ZDHHC20: variants seen among roughly 807,000 people sequenced by gnomAD.
ZDHHC20 encodes the protein zDHHC palmitoyltransferase 20.
A neutral mutation model predicts 57.8 loss-of-function variants in ZDHHC20; 43 were observed. The observed-to-expected ratio is 0.74, with a 90% confidence interval of 0.58 to 0.96. ZDHHC20 has a LOEUF of 0.96. Ranked by LOEUF, ZDHHC20 falls within the 40% of genes least tolerant of loss-of-function variation. The pLI, the probability that ZDHHC20 is intolerant of heterozygous loss-of-function variation, is 0.00. For missense variants in ZDHHC20, 391 were observed against 441.1 expected (o/e 0.89, Z 1.02); for synonymous variants, 157 against 153.0 (o/e 1.03, Z -0.19).
rs556949803 is a variant in ZDHHC20 at position 21,376,937 on chromosome 13, C to T, written c.*41-282G>A. 3.2e-4 allele frequency: 68 copies of T among 212,330 alleles called. No homozygotes were observed. In the South Asian group the frequency reaches 8.3e-3, roughly 26 times the overall value. 13.2% of individuals were successfully genotyped at this position (212,330 alleles called of 1,614,324 possible). A position where few individuals can be genotyped will look rare whatever the true frequency, so the allele number is the denominator to read the frequency against. On this transcript the variant is annotated intron_variant, in intron 12 of 12. Transcript: ENST00000400590. ...ACATCATCTGAGAAGACATCTGGTCCACCTACACCTGTCCTAAGATTGGCG... is the reference window on the plus strand; with the variant it reads ...ACATCATCTGAGAAGACATCTGGTCTACCTACACCTGTCCTAAGATTGGCG...
At chr13:21,383,564 T>C (rs1393523781) in intron 9 of ZDHHC20, among the ~76,000 whole-genome samples, 1 of 152,186 alleles carries the variant, frequency 6.6e-6, no homozygotes, top group Non-Finnish European at 1.5e-5. Context: ...TTTACATACA[T>C]TTAGAAACAA....
At chr13:21,456,071 G>T (rs1884900605) in intron 1 of ZDHHC20, among the ~76,000 whole-genome samples, 1 of 152,092 alleles carries the variant, frequency 6.6e-6, no homozygotes, top group Non-Finnish European at 1.5e-5. Context: ...ATATAATTAT[G>T]ATCTTCTCCT....
chr13:21,421,856 A>C (rs1880685041), intron 2 of ZDHHC20, among the ~76,000 whole-genome samples: 1 of 152,210 alleles, frequency 6.6e-6, no homozygotes, highest in South Asian at 2.1e-4. Context: ...TTTGTAATGC[A>C]GCACCATAAA....
At chr13:21,441,197 T>G (rs1883113839) in intron 1 of ZDHHC20, among the ~76,000 whole-genome samples, 1 of 152,250 alleles carries the variant, frequency 6.6e-6, no homozygotes, top group South Asian at 2.1e-4. Context: ...GGCATCTTTG[T>G]AATGTTGAAT....
intron 1 of ZDHHC20, among the ~76,000 whole-genome samples, chr13:21,456,639 A>T (rs1306046847): frequency 6.6e-6 from 1 of 152,198 alleles, no homozygotes; most frequent in Non-Finnish European, 1.5e-5. Context: ...TACTCCAGTG[A>T]CACTGCAGAC....
intron 9 of ZDHHC20, among the ~76,000 whole-genome samples, chr13:21,387,307 T>C (rs1276534895): frequency 1.3e-5 from 2 of 152,226 alleles, no homozygotes; most frequent in East Asian, 3.9e-4. Context: ...CATTCAAATA[T>C]ATAAACTCTC....
intron 4 of ZDHHC20, among the ~76,000 whole-genome samples, chr13:21,405,362 C>T (rs145014662): frequency 4.4e-3 from 664 of 152,022 alleles, no homozygotes; most frequent in African/African-American, 0.015. Flanking sequence ...AGAGAGCTAC[C>T]GCTTTAGAAA....
At chr13:21,409,050 G>A (rs760075848) in intron 4 of ZDHHC20, among the ~76,000 whole-genome samples, 1 of 152,142 alleles carries the variant, frequency 6.6e-6, no homozygotes, top group Non-Finnish European at 1.5e-5. Context: ...GTTCATCAGG[G>A]ATATTGGCCT....
Position 21,459,042 on chromosome 13 carries a change from G to A in ZDHHC20, c.118+12C>T. On this transcript the variant is annotated intron_variant, in intron 1 of 12. Coordinates refer to ENST00000400590, the MANE Select transcript of ZDHHC20 (RefSeq NM_001330059.2). The stretch of plus-strand genomic sequence containing the variant: ...CCCGCGCCCCGCCGCAGTCCCCGGG[G>A]ACGGTACTCACACACGCAGAGCTCC... The A allele has an allele frequency of 6.3e-7, 1 of 1,581,196 alleles. No homozygotes were observed. Among genetic ancestry groups the A allele is most frequent in the Non-Finnish European group, 8.6e-7 (1 of 1,163,880 alleles).
chr13:21,396,212 A>G (rs548161605), intron 7 of ZDHHC20, among the ~76,000 whole-genome samples: 1 of 152,170 alleles, frequency 6.6e-6, no homozygotes, highest in Non-Finnish European at 1.5e-5. Flanking sequence ...GTAACAAACT[A>G]TCTTTTCAGT....
chr13:21,397,558 G>T (rs1876994006), intron 7 of ZDHHC20, among the ~76,000 whole-genome samples: 2 of 151,940 alleles, frequency 1.3e-5, no homozygotes. Context: ...GCTACTTGGG[G>T]GCTTGAGGCA....
chr13:21,418,538 A>G (rs1880272842), intron 3 of ZDHHC20, among the ~76,000 whole-genome samples: 1 of 150,916 alleles, frequency 6.6e-6, no homozygotes, highest in Non-Finnish European at 1.5e-5. Flanking sequence ...TGAGGTGGGT[A>G]CTAGTATCAC....
At chr13:21,437,101 C>A (rs1460150274) in intron 1 of ZDHHC20, among the ~76,000 whole-genome samples, 2 of 152,188 alleles carry the variant, frequency 1.3e-5, no homozygotes, top group Non-Finnish European at 2.9e-5. Context: ...CACAAACATT[C>A]CCTTAAGCCA....
intron 3 of ZDHHC20, among the ~76,000 whole-genome samples, chr13:21,418,670 A>T (rs931997900): frequency 6.6e-6 from 1 of 151,610 alleles, no homozygotes. Flanking sequence ...TCTGTGTGGT[A>T]CTGTTGTTGT....
intron 7 of ZDHHC20, among the ~76,000 whole-genome samples, chr13:21,397,403 T>C (rs987666230): frequency 4.0e-5 from 6 of 151,810 alleles, no homozygotes; most frequent in Non-Finnish European, 7.4e-5. Flanking sequence ...GGCTCGCACC[T>C]GTAATCCCAG....
At chr13:21,419,528 AGAAT>A (rs1298105460) in intron 3 of ZDHHC20, among the ~76,000 whole-genome samples, 2 of 152,238 alleles carry the variant, frequency 1.3e-5, no homozygotes, top group Non-Finnish European at 2.9e-5. Context: ...AACAATAATG[AGAAT>A]GAATGATCTG....
intron 7 of ZDHHC20, 97 bp from the exon 8 acceptor site, chr13:21,391,951 C>T (rs1027922354): frequency 7.5e-7 from 1 of 1,335,390 alleles, no homozygotes; most frequent in African/African-American, 1.5e-5. Flanking sequence ...AAAATACTTG[C>T]CATATTTGAA....
rs191199744 is a variant in ZDHHC20 at position 21,387,721 on chromosome 13, C to A, written c.728-87G>T. On this transcript the variant is annotated intron_variant, in intron 8 of 12. Coordinates refer to ENST00000400590, the MANE Select transcript of ZDHHC20 (RefSeq NM_001330059.2). ...AAATTACCAATTTTCTTGCTTATAT[C>A]TTTGACACAAAAACTGTAAATATAA... The A allele has an allele frequency of 1.4e-4, 100 of 732,416 alleles. 1 individual carries two copies. In the African/African-American group the frequency reaches 1.8e-3, roughly 13 times the overall value. The allele number at this position is 732,416 out of a possible 1,614,324, so 45.4% of individuals were successfully genotyped here.
intron 7 of ZDHHC20, among the ~76,000 whole-genome samples, chr13:21,393,190 T>TTTC (rs200023692): frequency 0.16 from 21,822 of 140,156 alleles, 2,123 homozygotes; most frequent in Non-Finnish European, 0.24. Context: ...TTCTTTTTTC[T>TTTC]TTTTTTTTTT....
Sources: gnomAD v4.1 joint callset for allele counts (sites outside exome capture counted in the v4.1 genomes callset) on GRCh38, gnomAD v4.1.1 for gene constraint, MANE v1.5 for transcripts, NCBI Gene and HGNC (gene_info 2026-07-23, HGNC 2026-07-21) for gene names.